KLF10: variants seen among roughly 807,000 people sequenced by gnomAD.
KLF10 encodes the protein KLF transcription factor 10.
Under a neutral mutation model 31.6 loss-of-function variants are expected in KLF10, and 17 were observed. The observed-to-expected ratio is 0.54, with a 90% CI of 0.37 to 0.81. The LOEUF (loss-of-function observed/expected upper bound fraction) is 0.81, where lower values mean the gene tolerates loss of function less well. Ranked by LOEUF, KLF10 falls within the 30% of genes least tolerant of loss-of-function variation. The probability of loss-of-function intolerance (pLI) is 0.00; values close to 1 mark genes in which losing one functional copy is unlikely to be tolerated. For synonymous variants in KLF10, 239 were observed against 215.1 expected, an observed-to-expected ratio of 1.11 and a Z score of -0.97; for missense variants, 525 against 598.1, an observed-to-expected ratio of 0.88 and a Z score of 1.27.
At chr8:102,653,988 G>C in intron 1 of KLF10, 2 of 985,382 alleles carry the variant, frequency 2.0e-6, no homozygotes, top group Non-Finnish European at 2.4e-6. Flanking sequence ...GAGTCACTGG[G>C]AACATTCCTC....
Position 102,655,632 on chromosome 8 carries a change from G to T in KLF10, c.-31C>A, listed in dbSNP as rs1827348933. 6.2e-7 allele frequency: 1 copy of T among 1,612,906 alleles called. No individual in the cohort carries two copies. Reference sequence around the variant, plus strand: ...GCTGCTTGGCCGCCGGCGGCAAGCTGACTGGCTGCTAGGCTGCTGGCTGCT... The same window carrying T: ...GCTGCTTGGCCGCCGGCGGCAAGCTTACTGGCTGCTAGGCTGCTGGCTGCT... On this transcript the variant is annotated 5_prime_UTR_variant, in exon 1 of 4. Transcript: ENST00000285407.
Position 102,651,658 on chromosome 8 carries a change from C to T in KLF10, c.674G>A (p.Ser225Asn), listed in dbSNP as rs185989928. ...CACAGAAAAGTCATAAAGTGCAGCACTTGCTTTCTCATCAACATCTGCCAC... is the reference window on the plus strand; with the variant it reads ...CACAGAAAAGTCATAAAGTGCAGCATTTGCTTTCTCATCAACATCTGCCAC... ...NTVADVDEKA[S>N]AALYDFSVPS... The change falls in exon 3 of 4, where the codon AGT (serine) becomes AAT (asparagine). Residue 225 changes from serine (S) to asparagine (N), a missense_variant. This residue lies in a region of KLF10 where 434 missense variants were observed against 450.7 expected (regional missense o/e 0.96). Transcript: ENST00000285407. 4.1e-4 allele frequency: 664 copies of T among 1,614,238 alleles called. 7 individuals are homozygous for T. The highest frequency in any genetic ancestry group is 1.1e-5 in the Non-Finnish European group (13 of 1,180,048).
intron 1 of KLF10, chr8:102,653,360 ACTG>A: frequency 1.0e-6 from 1 of 973,972 alleles, no homozygotes; most frequent in Non-Finnish European, 1.4e-6. Context: ...TCCTTAAAGA[ACTG>A]CTTGATGACA....
At position 102,649,013 on chromosome 8, in the gene KLF10, T is replaced by C. The variant is rs1322045911; in HGVS notation, c.*1119A>G. 1 of 152,644 alleles carries C rather than the reference T, an allele frequency of 6.6e-6. No individual in the cohort carries two copies. 9.5% of individuals were successfully genotyped at this position (152,644 alleles called of 1,614,324 possible). ...AATGTACTTTTGTTTTGCCACTGTG[T>C]ATATCATCCACTATATAACAGAATA... On this transcript the variant is annotated 3_prime_UTR_variant, in exon 4 of 4. Coordinates refer to ENST00000285407, the MANE Select transcript of KLF10 (RefSeq NM_005655.4).
intron 1 of KLF10, chr8:102,654,294 GA>G (rs1289894882): frequency 1.4e-5 from 2 of 146,708 alleles, no homozygotes; most frequent in Non-Finnish European, 3.0e-5. Flanking sequence ...GGCCCGCGGG[GA>G]GGGGCGGGGC....
chr8:102,651,153 G>A lies in KLF10; in HGVS notation c.1179C>T (p.His393=), dbSNP rs928890406. The change falls in exon 3 of 4, where the codon CAC becomes CAT. Residue 393 remains histidine, a synonymous_variant. Transcript: ENST00000285407. ...GATATAAGAAGTGGCTGGTACCTGTGTGCGTCCTCGTGTGGGCCTTCAGAT... is the reference window on the plus strand; with the variant it reads ...GATATAAGAAGTGGCTGGTACCTGTATGCGTCCTCGTGTGGGCCTTCAGAT... ...SSHLKAHTRT[H]TGEKPFSCSW... The A allele has an allele frequency of 2.7e-6, 4 of 1,505,630 alleles. No individual in the cohort carries two copies. Among genetic ancestry groups the A allele is most frequent in the Non-Finnish European group, 3.6e-6 (4 of 1,126,496 alleles). 93.3% of individuals were successfully genotyped at this position (1,505,630 alleles called of 1,614,324 possible).
Position 102,650,111 on chromosome 8 carries a change from G to T in KLF10, c.*21C>A. ...TCCCGCTGAGACCAAAGTTAGTTCT[G>T]ACTCTTCACTTTCCGGTCTGTCACT... On this transcript the variant is annotated 3_prime_UTR_variant, in exon 4 of 4. Transcript: ENST00000285407. 1 of 1,612,892 alleles carries T rather than the reference G, an allele frequency of 6.2e-7. No homozygotes were observed. The highest frequency in any genetic ancestry group is 1.1e-5 in the South Asian group (1 of 90,952).
chr8:102,655,450 C>T, intron 1 of KLF10, 116 bp downstream of exon 1: 2 of 1,343,544 alleles, frequency 1.5e-6, no homozygotes, highest in South Asian at 1.2e-5. Context: ...CCCACGACTC[C>T]GCTGCAGCCC....
rs765305086 is a variant in KLF10 at position 102,651,465 on chromosome 8, G to A, written c.867C>T (p.Val289=). ...GCTGGCTGGGAGGAGTGCTGGGAAC[G>A]ACTGTTGTCACAACAGGGTTGTTGG... ...LPANNPVVTT[V]VPSTPPSQPP... is the part of the protein sequence containing the mutation. The change falls in exon 3 of 4, where the codon GTC becomes GTT. Residue 289 remains valine, a synonymous_variant. Coordinates refer to ENST00000285407, the MANE Select transcript of KLF10 (RefSeq NM_005655.4). 2.5e-6 allele frequency: 4 copies of A among 1,614,004 alleles called. No homozygotes were observed. The highest frequency in any genetic ancestry group is 2.7e-5 in the African/African-American group (2 of 75,046).
chr8:102,650,598 C>T (rs926967258), intron 3 of KLF10, among the ~76,000 whole-genome samples: 3 of 152,146 alleles, frequency 2.0e-5, no homozygotes, highest in Admixed American at 2.0e-4. Flanking sequence ...TGAAATAAGG[C>T]AGCCGGGTGG....
At chr8:102,654,078 C>T (rs1205023226) in intron 1 of KLF10, 7 of 642,792 alleles carry the variant, frequency 1.1e-5, no homozygotes, top group Non-Finnish European at 1.4e-5. Flanking sequence ...GGCTGTGCGG[C>T]CCGGGGCGGG....
chr8:102,653,869 AGGCGCGGGCGGG>A (rs1827284630), intron 1 of KLF10: 13 of 635,030 alleles, frequency 2.0e-5, no homozygotes, highest in South Asian at 1.5e-4. Context: ...GCGCGGGCGG[AGGCGCGGGCGGG>A]GGAGGCAGAC....
rs1314460095 is a variant in KLF10 at position 102,651,644 on chromosome 8, C to T, written c.688G>A (p.Asp230Asn). The T allele has an allele frequency of 6.2e-7, 1 of 1,614,262 alleles. No homozygotes were observed. Among genetic ancestry groups the T allele is most frequent in the Admixed American group, 1.7e-5 (1 of 60,032 alleles). Residue 230 changes from aspartate (D) to asparagine (N), a missense_variant, in exon 3 of 4, where the codon GAC (aspartate) becomes AAC (asparagine). By Grantham distance (23) the Asp-to-Asn change is conservative. Transcript: ENST00000285407. ...VDEKASAALY[D>N]FSVPSSETVI... The stretch of plus-strand genomic sequence containing the variant: ...GTCTCTGAGGAAGGCACAGAAAAGT[C>T]ATAAAGTGCAGCACTTGCTTTCTCA...
intron 1 of KLF10, 48 bp downstream of exon 1, chr8:102,655,518 C>A (rs200549867): frequency 6.2e-7 from 1 of 1,612,786 alleles, no homozygotes; most frequent in Non-Finnish European, 8.5e-7. Context: ...TTTGGCCCCC[C>A]AGACAAGACC....
intron 3 of KLF10, 141 bp from the exon 4 acceptor site, chr8:102,650,532 G>T: frequency 1.1e-6 from 1 of 896,414 alleles, no homozygotes; most frequent in Non-Finnish European, 1.6e-6. Context: ...TATGAGATAT[G>T]TATTGCTCCA....
chr8:102,652,469 A>ATT (rs1361266826), intron 1 of KLF10, 72 bp from the exon 2 acceptor site: 10 of 660,412 alleles, frequency 1.5e-5, no homozygotes, highest in African/African-American at 2.8e-5. Flanking sequence ...AAAATGAGCA[A>ATT]ATTTTTTTTT....
chr8:102,653,860 C>G (rs536796047), intron 1 of KLF10: 3 of 847,234 alleles, frequency 3.5e-6, no homozygotes, highest in Non-Finnish European at 4.2e-6. Flanking sequence ...GAAAGGGAAG[C>G]GCGGGCGGAG....
Position 102,651,420 on chromosome 8 carries a change from AG to A in KLF10, c.911del (p.Pro304LeufsTer31), listed in dbSNP as rs771864173. Reference sequence around the variant, plus strand: ...GGACTTGTGTGCCCATGAACACAACAGGGGGGCAAACGGCTGGTGGCTGGCT... The same window carrying A: ...GGACTTGTGTGCCCATGAACACAACAGGGGGCAAACGGCTGGTGGCTGGCT... ...PPSQPPAVCP[P>X]VVFMGTQVPK... On this transcript the variant is annotated frameshift_variant, in exon 3 of 4. Coordinates refer to ENST00000285407, the MANE Select transcript of KLF10 (RefSeq NM_005655.4). LOFTEE classifies it high-confidence loss of function. 1 of 1,613,324 alleles carries A rather than the reference AG, an allele frequency of 6.2e-7. No individual in the cohort carries two copies. The highest frequency in any genetic ancestry group is 8.5e-7 in the Non-Finnish European group (1 of 1,179,640).
chr8:102,652,165 A>T lies in KLF10; in HGVS notation c.269T>A (p.Phe90Tyr). The change falls in exon 2 of 4, where the codon TTT (phenylalanine) becomes TAT (tyrosine). Residue 90 changes from phenylalanine to tyrosine, a missense_variant and splice_region_variant. Physicochemically the swap from Phe to Tyr is conservative, Grantham distance 22 (BLOSUM62 3). Around this residue, in one of 3 missense-constraint regions of KLF10, gnomAD observed 434 missense variants for 450.7 expected, o/e 0.96. Transcript: ENST00000285407. ...TATCTTAAAAACAATAATACTTACA[A>T]ATGCTGGGATTGTATGAAAATCAGG... ...GTPDFHTIPA[F>Y]CLTPPYSPSD... 1 of 1,574,294 alleles carries T rather than the reference A, an allele frequency of 6.4e-7. No individual in the cohort carries two copies. Among genetic ancestry groups the T allele is most frequent in the Non-Finnish European group, 8.6e-7 (1 of 1,158,682 alleles).
Sources: gnomAD v4.1 joint callset for allele counts (sites outside exome capture counted in the v4.1 genomes callset) on GRCh38, gnomAD v4.1.1 for gene constraint, gnomAD v4.1.1 regional missense constraint, MANE v1.5 for transcripts, NCBI Gene and HGNC (gene_info 2026-07-23, HGNC 2026-07-21) for gene names.